The following SETD1A variants were observed in gnomAD, a reference collection of about 807,000 sequenced individuals.
SETD1A encodes the protein histone-lysine N-methyltransferase SETD1A.
In SETD1A, 29 loss-of-function variants were observed where a neutral mutation model predicts 149.9. That is an observed-to-expected ratio of 0.19 (90% confidence interval 0.14 to 0.26). The LOEUF is 0.26. Among genes scored for constraint, SETD1A ranks in the 10% least tolerant of loss-of-function variants. SETD1A has a pLI of 1.00. For synonymous variants in SETD1A, 1,141 were observed against 968.5 expected, an observed-to-expected ratio of 1.18 and a Z score of -3.31; for missense variants, 2,109 against 2,353.1, an observed-to-expected ratio of 0.90 and a Z score of 2.15.
At chr16:30,960,558 G>A (rs76646079) in intron 3 of SETD1A, among the ~76,000 whole-genome samples, 1 of 152,074 alleles carries the variant, frequency 6.6e-6, no homozygotes, top group Non-Finnish European at 1.5e-5. Context: ...GTGTTTGTAT[G>A]TGCATGTCAT....
In SETD1A at chr16:30,964,275, C is replaced by T. The variant is rs146582105; in HGVS notation, c.821C>T (p.Thr274Met). Residue 274 changes from threonine (T) to methionine (M), a missense_variant, in exon 6 of 19, where the codon ACG becomes ATG. Thr to Met is a moderately conservative substitution (Grantham distance 81). Around this residue, in one of 8 missense-constraint regions of SETD1A, gnomAD observed 410 missense variants for 394.8 expected, o/e 1.04. Transcript: ENST00000262519. Reference sequence around the variant, plus strand: ...CAGTCCTCCCAAGGAACCCCCTACACGTCTCGGGGCAGCACCCCCTACTCT... The same window carrying T: ...CAGTCCTCCCAAGGAACCCCCTACATGTCTCGGGGCAGCACCCCCTACTCT... ...TPQSSQGTPY[T>M]SRGSTPYSQD... 5.1e-5 allele frequency: 83 copies of T among 1,614,068 alleles called. No homozygotes were observed. The African/African-American group carries it at 1.1e-3, about 20-fold the overall frequency.
Position 30,980,246 on chromosome 16 carries a change from T to C in SETD1A, c.4408+52T>C. 1 of 1,531,292 alleles carries C rather than the reference T, an allele frequency of 6.5e-7. No homozygotes were observed. The highest frequency in any genetic ancestry group is 8.8e-7 in the Non-Finnish European group (1 of 1,138,788). 94.9% of individuals were successfully genotyped at this position (1,531,292 alleles called of 1,614,324 possible). A position where few individuals can be genotyped will look rare whatever the true frequency, so the allele number is the denominator to read the frequency against. On this transcript the variant is annotated intron_variant, in intron 14 of 18. Coordinates refer to ENST00000262519, the MANE Select transcript of SETD1A (RefSeq NM_014712.3). The surrounding 1 kb of genome is among the most constrained non-coding windows in gnomAD (Gnocchi z 7.7). The stretch of plus-strand genomic sequence containing the variant: ...CGGGCTTGGGTCCTCCCCCGACCCC[T>C]CCAGGCACCTGCATCTGTGCCCCAC...
At chr16:30,969,238 C>G (rs978867350) in intron 10 of SETD1A, 67 bp from the exon 11 acceptor site, 21 of 1,494,392 alleles carry the variant, frequency 1.4e-5, no homozygotes, top group Non-Finnish European at 1.7e-5. Flanking sequence ...TATGTAAAGC[C>G]CCTTGCACAG....
At position 30,981,260 on chromosome 16, in the gene SETD1A, G is replaced by A. The variant is rs553418365; in HGVS notation, c.4812+80G>A. 1,463 of 1,569,390 alleles carry A rather than the reference G, an allele frequency of 9.3e-4. 2 individuals are homozygous for A. Among genetic ancestry groups the A allele is most frequent in the Middle Eastern group, 2.5e-3 (15 of 5,904 alleles). ...GGGCTCACACACATGCTGTTTGTCC[G>A]GTTAAAGCCTTGCACACTCCCTAAC... is the stretch of plus-strand genomic sequence containing the variant. On this transcript the variant is annotated intron_variant, in intron 17 of 18. Transcript: ENST00000262519.
At position 30,969,461 on chromosome 16, in the gene SETD1A, A is replaced by G. The variant is rs773190492; in HGVS notation, c.2927A>G (p.Lys976Arg). The G allele has an allele frequency of 6.2e-7, 1 of 1,609,418 alleles. No homozygotes were observed. Among genetic ancestry groups the G allele is most frequent in the Non-Finnish European group, 8.5e-7 (1 of 1,177,704 alleles). The change falls in exon 11 of 19, where the codon AAG becomes AGG. Residue 976 changes from lysine to arginine, a missense_variant and splice_region_variant. Physicochemically the swap from Lys to Arg is conservative, Grantham distance 26. Coordinates refer to ENST00000262519, the MANE Select transcript of SETD1A (RefSeq NM_014712.3). The part of the protein sequence containing the change: ...EEASQESSSE[K>R]DEEDDEEDEE... ...GCATCCCAGGAGTCCTCCTCGGAGA[A>G]GGTGAGGGCCCGGGCGCCGGCTCCT...
chr16:30,980,036 C>T lies in SETD1A; in HGVS notation c.4250C>T (p.Pro1417Leu), dbSNP rs765729352. The T allele has an allele frequency of 8.2e-6, 13 of 1,594,778 alleles. No individual in the cohort carries two copies. In the East Asian group the frequency reaches 3.1e-4, roughly 37 times the overall value. ...PPPPPPRAYE[P>L]RSEFEQMTIL... Reference sequence around the variant, plus strand: ...CCGCCACCGCCCCGCGCCTACGAGCCACGCAGTGAGTTTGAACAGATGACC... The same window carrying T: ...CCGCCACCGCCCCGCGCCTACGAGCTACGCAGTGAGTTTGAACAGATGACC... Residue 1417 changes from proline (P) to leucine (L), a missense_variant, in exon 14 of 19, where the codon CCA becomes CTA. Physicochemically the swap from Pro to Leu is moderately conservative, Grantham distance 98. Around this residue, in one of 8 missense-constraint regions of SETD1A, gnomAD observed 832 missense variants for 815.6 expected, o/e 1.02. Transcript: ENST00000262519. This position sits in a 1 kb window ranked among gnomAD's most constrained non-coding sequence, Gnocchi z 7.7.
At chr16:30,976,812 AG>A (rs2056289903) in intron 13 of SETD1A, among the ~76,000 whole-genome samples, 1 of 151,560 alleles carries the variant, frequency 6.6e-6, no homozygotes, top group Non-Finnish European at 1.5e-5. Flanking sequence ...GAGGTGGCAG[AG>A]GTGGAAGAGG....
Position 30,979,323 on chromosome 16 carries a change from G to C in SETD1A, c.3537G>C (p.Pro1179=). Residue 1179 remains proline (P), a synonymous_variant, in exon 14 of 19, where the codon CCG becomes CCC. Transcript: ENST00000262519. Reference sequence around the variant, plus strand: ...CTGCCATCGAGGTGGTGCCAGCCCCGGAGCCCCCTCCAGCCACACCGCCGC... The same window carrying C: ...CTGCCATCGAGGTGGTGCCAGCCCCCGAGCCCCCTCCAGCCACACCGCCGC... ...SFSAIEVVPA[P]EPPPATPPQA... is the part of the protein sequence containing the mutation. The C allele has an allele frequency of 6.3e-7, 1 of 1,584,714 alleles. No individual in the cohort carries two copies. Among genetic ancestry groups the C allele is most frequent in the Non-Finnish European group, 8.6e-7 (1 of 1,162,676 alleles).
intron 3 of SETD1A, among the ~76,000 whole-genome samples, chr16:30,959,650 T>C (rs1272414895): frequency 6.6e-6 from 1 of 152,186 alleles, no homozygotes. Context: ...CTTCAGGCCT[T>C]GAACTGGGCC....
In SETD1A at chr16:30,963,473, C is replaced by T. The variant is rs1434403720; in HGVS notation, c.558C>T (p.Gly186=). ...AATACTATGAACTAATTGTCAATGGCTCCTACACCCCTCAGACTGTGCCCA... is the reference window on the plus strand; with the variant it reads ...AATACTATGAACTAATTGTCAATGGTTCCTACACCCCTCAGACTGTGCCCA... ...RMKYYELIVN[G]SYTPQTVPTG... is the part of the protein sequence containing the mutation. Residue 186 remains glycine, a synonymous_variant, in exon 5 of 19, where the codon GGC becomes GGT. Coordinates refer to ENST00000262519, the MANE Select transcript of SETD1A (RefSeq NM_014712.3). 5.6e-6 allele frequency: 9 copies of T among 1,612,982 alleles called. No homozygotes were observed. The highest frequency in any genetic ancestry group is 1.1e-5 in the South Asian group (1 of 90,968).
rs202037376 is a variant in SETD1A, at chr16:30,958,688, C to T, written c.-15-29C>T. On this transcript the variant is annotated intron_variant, in intron 1 of 18. Transcript: ENST00000262519. ...GGGAGTCAGGCCCCAAGTCCTGATC[C>T]TTCTTGCGTGTCCCTCTTCCCCTAA... 82 of 1,604,530 alleles carry T rather than the reference C, an allele frequency of 5.1e-5. No homozygotes were observed. The East Asian group carries it at 1.5e-3, about 29-fold the overall frequency.
At position 30,969,359 on chromosome 16, in the gene SETD1A, C is replaced by A; in HGVS notation, c.2825C>A (p.Pro942Gln). ...GEPGRPGTKP[P>Q]KRDEERGKTQ... ...CCAGGACGTCCGGGGACCAAGCCCC[C>A]GAAGCGGGACGAAGAGCGAGGCAAG... Residue 942 changes from proline (P) to glutamine (Q), a missense_variant, in exon 11 of 19, where the codon CCG becomes CAG. Transcript: ENST00000262519. The A allele has an allele frequency of 5.0e-6, 8 of 1,614,162 alleles. No homozygotes were observed. Among genetic ancestry groups the A allele is most frequent in the Non-Finnish European group, 6.8e-6 (8 of 1,180,020 alleles).
At position 30,979,991 on chromosome 16, in the gene SETD1A, G is replaced by GCCCCCCCCCCCC; in HGVS notation, c.4208_4209insCCCCCCCCCCCC (p.Pro1409_Pro1412dup). 1 of 1,279,658 alleles carries GCCCCCCCCCCCC rather than the reference G, an allele frequency of 7.8e-7. No homozygotes were observed. Among genetic ancestry groups the GCCCCCCCCCCCC allele is most frequent in the South Asian group, 1.4e-5 (1 of 72,602 alleles). 79.3% of individuals were successfully genotyped at this position (1,279,658 alleles called of 1,614,324 possible). ...CTCCGCTCCCACGCCCGGCGCCGCC[G>GCCCCCCCCCCCC]CCCTCCGCCCCCACCCCCGCCGCCA... On this transcript the variant is annotated inframe_insertion, in exon 14 of 19. Coordinates refer to ENST00000262519, the MANE Select transcript of SETD1A (RefSeq NM_014712.3).
Position 30,965,117 on chromosome 16 carries a change from T to C in SETD1A, c.1375T>C (p.Ser459Pro). The C allele has an allele frequency of 3.1e-6, 5 of 1,611,228 alleles. No individual in the cohort carries two copies. Among genetic ancestry groups the C allele is most frequent in the Non-Finnish European group, 4.2e-6 (5 of 1,179,766 alleles). ...CCCTGAGAGAGAAGAAGTTCGGACT[T>C]CCCCCCGCCCAGCCTCCCCTGCCCG... ...PSPEREEVRT[S>P]PRPASPARSG... The change falls in exon 7 of 19, where the codon TCC becomes CCC. Residue 459 changes from serine to proline, a missense_variant. Ser to Pro is a moderately conservative substitution (Grantham distance 74). This residue lies in a region of SETD1A where 410 missense variants were observed against 394.8 expected (regional missense o/e 1.04). Transcript: ENST00000262519.
At chr16:30,959,752 CTT>C (rs10577465) in intron 3 of SETD1A, among the ~76,000 whole-genome samples, 47 of 96,266 alleles carry the variant, frequency 4.9e-4, no homozygotes, top group South Asian at 7.3e-4. Context: ...TCTTCTTCTT[CTT>C]TTTTTTTTTT....
chr16:30,972,099 C>T (rs753034901), intron 13 of SETD1A, among the ~76,000 whole-genome samples: 7 of 152,188 alleles, frequency 4.6e-5, no homozygotes, highest in Non-Finnish European at 1.0e-4. Context: ...CAAGTATTAA[C>T]ATAACACAGA....
rs1567357885 is a variant in SETD1A at position 30,971,538 on chromosome 16, GTCC to G, written c.3183_3185del (p.Ser1062del). On this transcript the variant is annotated inframe_deletion, in exon 13 of 19. Coordinates refer to ENST00000262519, the MANE Select transcript of SETD1A (RefSeq NM_014712.3). Reference sequence around the variant, plus strand: ...CCTCCTCGTCCTCTTCATCCTCTGAGTCCTCCTCTGAAGATGAAGAGGAAGAGG... The same window carrying G: ...CCTCCTCGTCCTCTTCATCCTCTGAGTCCTCTGAAGATGAAGAGGAAGAGG... 2.2e-5 allele frequency: 35 copies of G among 1,613,744 alleles called. No individual in the cohort carries two copies. The highest frequency in any genetic ancestry group is 2.7e-5 in the Non-Finnish European group (32 of 1,179,864).
intron 13 of SETD1A, 130 bp from the exon 14 acceptor site, chr16:30,979,015 G>T: frequency 1.1e-6 from 1 of 882,450 alleles, no homozygotes; most frequent in South Asian, 1.8e-5. Flanking sequence ...TGAGGCCAGG[G>T]CGTCTGTGTT....
At chr16:30,972,791 T>C (rs1596684780) in intron 13 of SETD1A, among the ~76,000 whole-genome samples, 1 of 148,496 alleles carries the variant, frequency 6.7e-6, no homozygotes, top group Non-Finnish European at 1.5e-5. Context: ...GAGGCAGAGG[T>C]TGTAGTGAGC....
Sources: allele counts gnomAD v4.1 joint callset (sites outside exome capture counted in the v4.1 genomes callset), GRCh38; gene constraint gnomAD v4.1.1; regional missense constraint gnomAD v4.1.1; non-coding constraint Gnocchi (gnomAD v3.1); transcripts MANE v1.5; gene names NCBI Gene and HGNC (gene_info 2026-07-23, HGNC 2026-07-21).